FAM13B: variants seen among roughly 807,000 people sequenced by gnomAD.
The protein encoded by FAM13B is family with sequence similarity 13 member B.
FAM13B carries 60 observed loss-of-function variants against 117.3 expected under a neutral mutation model. The observed-to-expected ratio is 0.51, with a 90% CI of 0.42 to 0.63. The LOEUF is 0.63. Among genes scored for constraint, FAM13B ranks in the 30% least tolerant of loss-of-function variants. The probability of loss-of-function intolerance (pLI) is 0.00; values close to 1 mark genes in which losing one functional copy is unlikely to be tolerated. For missense variants in FAM13B, 972 were observed against 1,091.9 expected, an observed-to-expected ratio of 0.89 and a Z score of 1.55; for synonymous variants, 332 against 356.1, an observed-to-expected ratio of 0.93 and a Z score of 0.76.
chr5:137,963,968 G>A (rs1768923382), intron 10 of FAM13B, among the ~76,000 whole-genome samples: 1 of 152,176 alleles, frequency 6.6e-6, no homozygotes, highest in East Asian at 1.9e-4. Flanking sequence ...CAAAAATGTT[G>A]GGGATCTCTG....
chr5:137,954,462 T>TA, intron 14 of FAM13B, 86 bp from the exon 15 acceptor site: 1 of 951,718 alleles, frequency 1.1e-6, no homozygotes, highest in South Asian at 1.6e-5. Flanking sequence ...ATGTGTTCCT[T>TA]AAATCATATC....
At chr5:137,986,568 G>C (rs1342641484) in intron 9 of FAM13B, among the ~76,000 whole-genome samples, 1 of 152,134 alleles carries the variant, frequency 6.6e-6, no homozygotes, top group African/African-American at 2.4e-5. Flanking sequence ...AAGGTAACAG[G>C]TCAGATGAAG....
chr5:137,941,514 T>TA (rs1053658428), intron 23 of FAM13B, among the ~76,000 whole-genome samples: 44 of 152,194 alleles, frequency 2.9e-4, no homozygotes, highest in African/African-American at 8.7e-4. Context: ...GGCACACTGT[T>TA]AGACACCTTG....
chr5:138,038,590 C>A (rs1791369686), intron 1 of FAM13B: 1 of 152,184 alleles, frequency 6.6e-6, no homozygotes, highest in Admixed American at 6.5e-5. Context: ...ATTGCTGGCT[C>A]TTCCAAGAAA....
At chr5:137,971,415 A>T (rs1308190909) in intron 10 of FAM13B, among the ~76,000 whole-genome samples, 1 of 151,148 alleles carries the variant, frequency 6.6e-6, no homozygotes, top group Non-Finnish European at 1.5e-5. Context: ...GAAACCAACG[A>T]GAACAAAGAC....
At chr5:138,024,055 T>C (rs539248418) in intron 1 of FAM13B, among the ~76,000 whole-genome samples, 1 of 152,202 alleles carries the variant, frequency 6.6e-6, no homozygotes, top group South Asian at 2.1e-4. Context: ...GTAGTTGACA[T>C]TATTTAGTCC....
Position 137,976,759 on chromosome 5 carries a change from C to T in FAM13B, c.1179+8498G>A, listed in dbSNP as rs140784972. Among the ~76,000 whole-genome samples, 725 of 152,278 alleles carry T rather than the reference C, an allele frequency of 4.8e-3. 6 individuals are homozygous for T. Among genetic ancestry groups the T allele is most frequent in the African/African-American group, 0.017 (687 of 41,548 alleles). ...ATCAATACCCTTGTGATTTCCTATGCCTGTCTTTACTTTAATCTCTTAATC... is the reference window on the plus strand; with the variant it reads ...ATCAATACCCTTGTGATTTCCTATGTCTGTCTTTACTTTAATCTCTTAATC... On this transcript the variant is annotated intron_variant, in intron 10 of 23. Transcript: ENST00000689681.
intron 7 of FAM13B, among the ~76,000 whole-genome samples, chr5:137,998,752 T>C (rs75180313): frequency 0.014 from 2,134 of 152,364 alleles, 38 homozygotes; most frequent in African/African-American, 0.047. Flanking sequence ...GTGCCAACTA[T>C]CTGGAAGATT....
intron 19 of FAM13B, 27 bp downstream of exon 19, chr5:137,946,201 A>T: frequency 1.9e-6 from 3 of 1,548,118 alleles, no homozygotes; most frequent in Non-Finnish European, 2.6e-6. Context: ...ACATAAAATC[A>T]AATCTTTTTA....
chr5:137,982,105 AT>A (rs1373372476), intron 10 of FAM13B, among the ~76,000 whole-genome samples: 2 of 152,216 alleles, frequency 1.3e-5, no homozygotes, highest in African/African-American at 4.8e-5. Flanking sequence ...GCATTATCTA[AT>A]TTTCCTCTTA....
At chr5:137,986,426 T>TCCCC (rs372003381) in intron 9 of FAM13B, among the ~76,000 whole-genome samples, 6 of 69,516 alleles carry the variant, frequency 8.6e-5, no homozygotes, top group African/African-American at 2.1e-4. Context: ...TTTCTCATCT[T>TCCCC]CCCCCCCCCA....
chr5:137,942,161 G>T, intron 22 of FAM13B, 116 bp from the exon 23 acceptor site: 1 of 751,004 alleles, frequency 1.3e-6, no homozygotes, highest in African/African-American at 1.8e-5. Flanking sequence ...GTCTACCAAT[G>T]CCTAAGCTCC....
At chr5:138,025,890 A>G (rs1788226511) in intron 1 of FAM13B, among the ~76,000 whole-genome samples, 1 of 152,246 alleles carries the variant, frequency 6.6e-6, no homozygotes, top group Non-Finnish European at 1.5e-5. Flanking sequence ...CTACAGAGCT[A>G]TATTAACCAA....
At chr5:138,010,121 C>T (rs944538773) in intron 6 of FAM13B, among the ~76,000 whole-genome samples, 8 of 152,074 alleles carry the variant, frequency 5.3e-5, no homozygotes, top group African/African-American at 1.9e-4. Flanking sequence ...GCTGGGATTA[C>T]AGGCACATGC....
intron 7 of FAM13B, among the ~76,000 whole-genome samples, chr5:137,999,118 G>C (rs58914447): frequency 3.2e-5 from 4 of 125,368 alleles, no homozygotes; most frequent in Admixed American, 2.3e-4. Context: ...TTTTTTTTTT[G>C]TCTTTTTTTT....
chr5:138,032,706 G>A (rs964485198), intron 1 of FAM13B, 76 bp downstream of exon 1: 4 of 985,048 alleles, frequency 4.1e-6, no homozygotes, highest in Admixed American at 6.1e-5. Flanking sequence ...GGCGCTGGGG[G>A]GCAACAGGAG....
At chr5:137,986,989 A>T (rs1485408390) in intron 9 of FAM13B, among the ~76,000 whole-genome samples, 2 of 152,162 alleles carry the variant, frequency 1.3e-5, no homozygotes, top group African/African-American at 4.8e-5. Flanking sequence ...ATCTAACAAA[A>T]ACATAAGCAG....
At chr5:138,024,835 AAAG>A (rs1787831177) in intron 1 of FAM13B, among the ~76,000 whole-genome samples, 17 of 146,132 alleles carry the variant, frequency 1.2e-4, no homozygotes, top group African/African-American at 2.8e-4. Context: ...AGAGAGAGAG[AAAG>A]AGAGAGAGAG....
chr5:137,996,512 A>C lies in FAM13B; in HGVS notation c.849-8197T>G, dbSNP rs1028633934. On this transcript the variant is annotated intron_variant, in intron 7 of 23. Coordinates refer to ENST00000689681, the MANE Select transcript of FAM13B (RefSeq NM_001385994.1). ...ACACCTTCTTTCCTGCACCTTATCT[A>C]AAATTGAACCATCAGAAACCAATGA... Among the ~76,000 whole-genome samples, 3 of 152,224 alleles carry C rather than the reference A, an allele frequency of 2.0e-5. No individual in the cohort carries two copies. The East Asian group carries it at 5.8e-4, about 29-fold the overall frequency.
Sources: allele counts gnomAD v4.1 joint callset (sites outside exome capture counted in the v4.1 genomes callset), GRCh38; gene constraint gnomAD v4.1.1; transcripts MANE v1.5; gene names NCBI Gene and HGNC (gene_info 2026-07-23, HGNC 2026-07-21).